ERGIC2: variants seen among roughly 807,000 people sequenced by gnomAD.
ERGIC2 encodes the protein endoplasmic reticulum-Golgi intermediate compartment protein 2.
ERGIC2 carries 31 observed loss-of-function variants against 52.5 expected under a neutral mutation model. The observed-to-expected ratio is 0.59, with a 90% CI of 0.44 to 0.80. The LOEUF is 0.80. ERGIC2 is among the 30% of genes least tolerant of loss of function. The pLI, the probability that ERGIC2 is intolerant of heterozygous loss-of-function variation, is 0.00. For synonymous variants in ERGIC2, 129 were observed against 140.6 expected (o/e 0.92, Z 0.58); for missense variants, 395 against 455.2 (o/e 0.87, Z 1.20).
chr12:29,342,619 T>C (rs916978800), intron 12 of ERGIC2, among the ~76,000 whole-genome samples: 1 of 152,316 alleles, frequency 6.6e-6, no homozygotes, highest in East Asian at 1.9e-4. Flanking sequence ...ACAAAAATCA[T>C]AAACATGTTA....
intron 7 of ERGIC2, among the ~76,000 whole-genome samples, chr12:29,357,150 C>T (rs1189363587): frequency 5.9e-5 from 9 of 151,742 alleles, no homozygotes; most frequent in Admixed American, 3.9e-4. Flanking sequence ...TTGTATTTTT[C>T]GTAGGGACGG....
chr12:29,351,331 A>G (rs1940127145), intron 8 of ERGIC2, among the ~76,000 whole-genome samples: 1 of 152,130 alleles, frequency 6.6e-6, no homozygotes, highest in Non-Finnish European at 1.5e-5. Context: ...TCCACACACC[A>G]CCATCAGTTA....
At chr12:29,365,190 T>A (rs1395475789) in intron 5 of ERGIC2, among the ~76,000 whole-genome samples, 1 of 152,022 alleles carries the variant, frequency 6.6e-6, no homozygotes, top group East Asian at 1.9e-4. Flanking sequence ...CAATAGCGAA[T>A]ACATGGAATC....
chr12:29,349,155 T>G lies in ERGIC2; in HGVS notation c.651A>C (p.Ile217=). The change falls in exon 10 of 14, where the codon ATA becomes ATC. Residue 217 remains isoleucine (I), a synonymous_variant. Coordinates refer to ENST00000360150, the MANE Select transcript of ERGIC2 (RefSeq NM_016570.3). The part of the protein sequence containing the change: ...NHESYNFSHR[I]DHLSFGELVP... ...CAAGCTCTCCAAAAGACAAATGATC[T>G]ATTCTATGAGAAAAATTGTAAGCTA... 2 of 1,565,346 alleles carry G rather than the reference T, an allele frequency of 1.3e-6. No individual in the cohort carries two copies. Among genetic ancestry groups the G allele is most frequent in the Non-Finnish European group, 1.7e-6 (2 of 1,157,926 alleles).
intron 1 of ERGIC2, among the ~76,000 whole-genome samples, chr12:29,377,352 C>T (rs1940528665): frequency 6.6e-6 from 1 of 152,136 alleles, no homozygotes; most frequent in African/African-American, 2.4e-5. Flanking sequence ...CAGGACCTCC[C>T]TTGGATATCA....
intron 6 of ERGIC2, among the ~76,000 whole-genome samples, chr12:29,358,833 T>C (rs1411215704): frequency 6.6e-6 from 1 of 152,082 alleles, no homozygotes; most frequent in Non-Finnish European, 1.5e-5. Flanking sequence ...TAAAAACTTA[T>C]GCATCATCTA....
At chr12:29,342,621 A>G (rs1949847473) in intron 12 of ERGIC2, among the ~76,000 whole-genome samples, 1 of 152,220 alleles carries the variant, frequency 6.6e-6, no homozygotes, top group Non-Finnish European at 1.5e-5. Flanking sequence ...AAAAATCATA[A>G]ACATGTTACT....
Position 29,356,774 on chromosome 12 carries a change from A to G in ERGIC2, c.477-297T>C, listed in dbSNP as rs116024345. Among the ~76,000 whole-genome samples the G allele has an allele frequency of 9.2e-3, 1,402 of 152,276 alleles. 13 individuals carry two copies. Among genetic ancestry groups the G allele is most frequent in the African/African-American group, 0.032 (1,332 of 41,544 alleles). On this transcript the variant is annotated intron_variant, in intron 7 of 13. Transcript: ENST00000360150. ...AGACTAAAACAAAATAATTAGTCCA[A>G]AAAGACATATTTTTTTCATTTATTT...
chr12:29,372,007 G>C (rs1940447415), intron 1 of ERGIC2, among the ~76,000 whole-genome samples: 1 of 152,110 alleles, frequency 6.6e-6, no homozygotes, highest in South Asian at 2.1e-4. Flanking sequence ...TTCCAATAAT[G>C]AATGACAGTG....
intron 9 of ERGIC2, 140 bp from the exon 10 acceptor site, chr12:29,349,317 C>A (rs1591989448): frequency 1.5e-5 from 6 of 409,276 alleles, no homozygotes; most frequent in Non-Finnish European, 2.7e-5. Flanking sequence ...GTATTTTAAG[C>A]CACAATACTT....
At chr12:29,374,403 CT>C (rs1292786743) in intron 1 of ERGIC2, among the ~76,000 whole-genome samples, 1 of 152,172 alleles carries the variant, frequency 6.6e-6, no homozygotes, top group African/African-American at 2.4e-5. Flanking sequence ...AGATTCTGCA[CT>C]AGGTCTCCCC....
At chr12:29,374,310 G>C (rs1940485197) in intron 1 of ERGIC2, among the ~76,000 whole-genome samples, 1 of 151,994 alleles carries the variant, frequency 6.6e-6, no homozygotes, top group Admixed American at 6.6e-5. Context: ...CTCTTACCTT[G>C]ACTTAAGTGA....
chr12:29,342,256 C>T (rs149811519), intron 12 of ERGIC2, among the ~76,000 whole-genome samples: 2 of 152,298 alleles, frequency 1.3e-5, no homozygotes, highest in African/African-American at 4.8e-5. Flanking sequence ...CAAGTTGATC[C>T]GCCAGCCTTG....
chr12:29,370,155 T>C lies in ERGIC2; in HGVS notation c.174A>G (p.Thr58=), dbSNP rs778143677. The C allele has an allele frequency of 1.9e-6, 3 of 1,546,960 alleles. No individual in the cohort carries two copies. Among genetic ancestry groups the C allele is most frequent in the Admixed American group, 2.3e-5 (1 of 44,358 alleles). ...CTACTTCGTATTCATACTTCATCCA[T>C]GTATCTTGATATACTGAGAATTCCA... ...TIMEFSVYQD[T]WMKYEYEVDK... The change falls in exon 3 of 14, where the codon ACA becomes ACG. Residue 58 remains threonine, a synonymous_variant. Transcript: ENST00000360150.
chr12:29,344,398 CAA>C (rs1219599362), intron 11 of ERGIC2, among the ~76,000 whole-genome samples: 1 of 152,174 alleles, frequency 6.6e-6, no homozygotes, highest in African/African-American at 2.4e-5. Context: ...CTATTTTCCC[CAA>C]AGTCTTCTCA....
intron 6 of ERGIC2, among the ~76,000 whole-genome samples, chr12:29,361,359 T>C (rs1014307501): frequency 6.6e-6 from 1 of 152,248 alleles, no homozygotes; most frequent in Non-Finnish European, 1.5e-5. Flanking sequence ...AATTGAATTT[T>C]TAAAATGATC....
At chr12:29,341,899 G>A (rs909625735) in intron 12 of ERGIC2, 83 bp from the exon 13 acceptor site, 7 of 652,814 alleles carry the variant, frequency 1.1e-5, no homozygotes, top group Admixed American at 7.3e-5. Flanking sequence ...AATAGATTAC[G>A]GAAGAAAACA....
intron 4 of ERGIC2, 100 bp from the exon 5 acceptor site, chr12:29,367,047 C>CAAA (rs748343213): frequency 7.2e-5 from 19 of 264,656 alleles, no homozygotes; most frequent in Middle Eastern, 9.2e-4. Flanking sequence ...ACTCACCAAG[C>CAAA]AAAAAAAAAA....
chr12:29,338,342 G>C lies in ERGIC2; in HGVS notation c.*2814C>G, dbSNP rs1386427384. The C allele has an allele frequency of 6.6e-6, 1 of 151,746 alleles. No homozygotes were observed. Among genetic ancestry groups the C allele is most frequent in the Non-Finnish European group, 1.5e-5 (1 of 67,924 alleles). 9.4% of individuals were successfully genotyped at this position (151,746 alleles called of 1,614,324 possible). ...AAGTGTGATATTAATCATCTAACTT[G>C]AGAACTAGAAGTAATTTGGGTGCCA... is the stretch of plus-strand genomic sequence containing the variant. On this transcript the variant is annotated 3_prime_UTR_variant, in exon 14 of 14. Coordinates refer to ENST00000360150, the MANE Select transcript of ERGIC2 (RefSeq NM_016570.3).
Sources: gnomAD v4.1 joint callset for allele counts (sites outside exome capture counted in the v4.1 genomes callset) on GRCh38, gnomAD v4.1.1 for gene constraint, MANE v1.5 for transcripts, NCBI Gene and HGNC (gene_info 2026-07-23, HGNC 2026-07-21) for gene names.